The following RALGAPA2 variants were observed in gnomAD, a reference collection of about 807,000 sequenced individuals.
RALGAPA2 encodes the protein ral GTPase-activating protein subunit alpha-2.
A neutral mutation model predicts 230.4 loss-of-function variants in RALGAPA2; 139 were observed. The ratio of observed to expected loss-of-function variants is 0.60; its 90% CI spans 0.53 to 0.69. The LOEUF (loss-of-function observed/expected upper bound fraction) is 0.69. Among genes scored for constraint, RALGAPA2 ranks in the 30% least tolerant of loss-of-function variants. The pLI, the probability that RALGAPA2 is intolerant of heterozygous loss-of-function variation, is 0.00. For missense variants in RALGAPA2, 2,163 were observed against 2,276.0 expected (o/e 0.95, Z 1.01); for synonymous variants, 847 against 837.8 (o/e 1.01, Z -0.19).
chr20:20,468,752 C>G (rs1448172756), intron 37 of RALGAPA2, among the ~76,000 whole-genome samples: 2 of 151,990 alleles, frequency 1.3e-5, no homozygotes, highest in Non-Finnish European at 2.9e-5. Context: ...CTCATACCAC[C>G]AAGAGACCAC....
intron 37 of RALGAPA2, among the ~76,000 whole-genome samples, chr20:20,439,455 C>A (rs2060687452): frequency 6.6e-6 from 1 of 152,176 alleles, no homozygotes; most frequent in Non-Finnish European, 1.5e-5. Flanking sequence ...TTAAGCGATC[C>A]ACTGGCCTCA....
rs532096672 is a variant in RALGAPA2, at chr20:20,536,017, T to C, written c.3415-214A>G. Among the ~76,000 whole-genome samples the C allele has an allele frequency of 1.2e-4, 18 of 152,304 alleles. No individual in the cohort carries two copies. The South Asian group carries it at 3.1e-3, about 26-fold the overall frequency. On this transcript the variant is annotated intron_variant, in intron 25 of 39. Transcript: ENST00000202677. ...GTCTCCACAGGGCCTCCTTAGGCCATTCAGCCCGCGGGAGTAGAGCGCTTC... is the reference window on the plus strand; with the variant it reads ...GTCTCCACAGGGCCTCCTTAGGCCACTCAGCCCGCGGGAGTAGAGCGCTTC...
Position 20,524,388 on chromosome 20 carries a change from GC to G in RALGAPA2, c.3900+17del. On this transcript the variant is annotated intron_variant, in intron 30 of 39. Transcript: ENST00000202677. ...ATAAACCCACACTCCATTCCCCCAG[GC>G]CCAGGTGTAGACTCACCCTGTAGAT... The G allele has an allele frequency of 6.2e-7, 1 of 1,613,414 alleles. No homozygotes were observed. Among genetic ancestry groups the G allele is most frequent in the Non-Finnish European group, 8.5e-7 (1 of 1,179,604 alleles).
chr20:20,637,148 C>T (rs532168308), intron 8 of RALGAPA2, among the ~76,000 whole-genome samples: 43 of 152,292 alleles, frequency 2.8e-4, no homozygotes, highest in African/African-American at 9.1e-4. Flanking sequence ...ATAGGAGCCA[C>T]GGTTCCCTTT....
At chr20:20,677,066 A>G (rs1048162246) in intron 2 of RALGAPA2, among the ~76,000 whole-genome samples, 3 of 152,184 alleles carry the variant, frequency 2.0e-5, no homozygotes, top group Non-Finnish European at 4.4e-5. Flanking sequence ...TCATTCATTC[A>G]TTGAATAAAT....
At chr20:20,599,061 G>A (rs1355953114) in intron 16 of RALGAPA2, among the ~76,000 whole-genome samples, 1 of 152,154 alleles carries the variant, frequency 6.6e-6, no homozygotes, top group African/African-American at 2.4e-5. Flanking sequence ...ATTTTGAAAT[G>A]CTTTATATGT....
At chr20:20,633,111 C>T (rs375700733) in intron 9 of RALGAPA2, among the ~76,000 whole-genome samples, 24 of 147,086 alleles carry the variant, frequency 1.6e-4, no homozygotes, top group African/African-American at 6.0e-4. Flanking sequence ...CCTTCTCTTT[C>T]TTTCTCTCTC....
intron 32 of RALGAPA2, 90 bp downstream of exon 32, chr20:20,512,423 C>T: frequency 7.7e-7 from 1 of 1,302,956 alleles, no homozygotes. Flanking sequence ...CTTCCCCAAT[C>T]TTTTCTTCTT....
At chr20:20,441,101 AC>A (rs1360106202) in intron 37 of RALGAPA2, among the ~76,000 whole-genome samples, 2 of 152,202 alleles carry the variant, frequency 1.3e-5, no homozygotes, top group African/African-American at 4.8e-5. Context: ...ATGCACCAAC[AC>A]TTGCAAATAA....
chr20:20,653,664 G>A, intron 3 of RALGAPA2, 77 bp from the exon 4 acceptor site: 1 of 819,702 alleles, frequency 1.2e-6, no homozygotes, highest in Non-Finnish European at 2.0e-6. Flanking sequence ...ATTACTCACT[G>A]TAGGTAAGTT....
intron 4 of RALGAPA2, among the ~76,000 whole-genome samples, chr20:20,653,200 A>C (rs1173242827): frequency 7.3e-6 from 1 of 137,930 alleles, no homozygotes; most frequent in Admixed American, 6.9e-5. Context: ...CATCTCAAAA[A>C]AAAAAAAAAA....
At chr20:20,636,889 C>G (rs2066879158) in intron 8 of RALGAPA2, among the ~76,000 whole-genome samples, 1 of 152,100 alleles carries the variant, frequency 6.6e-6, no homozygotes, top group Non-Finnish European at 1.5e-5. Context: ...GTCCAATCAC[C>G]TAAAATTTGG....
chr20:20,567,777 G>A (rs947478464), intron 23 of RALGAPA2, among the ~76,000 whole-genome samples: 13 of 151,200 alleles, frequency 8.6e-5, no homozygotes, highest in African/African-American at 2.9e-4. Flanking sequence ...AGGACTGCTT[G>A]AGCCCAGTGA....
chr20:20,602,760 C>A (rs1214182452), intron 15 of RALGAPA2, among the ~76,000 whole-genome samples: 2 of 152,064 alleles, frequency 1.3e-5, no homozygotes, highest in East Asian at 3.8e-4. Context: ...TAAGATAAGT[C>A]TGTCTCTTTA....
chr20:20,545,353 C>T (rs1602729476), intron 24 of RALGAPA2, among the ~76,000 whole-genome samples: 2 of 152,226 alleles, frequency 1.3e-5, no homozygotes, highest in Non-Finnish European at 2.9e-5. Flanking sequence ...ATACATACGC[C>T]ACCATGCCTG....
At position 20,531,740 on chromosome 20, in the gene RALGAPA2, T is replaced by C; in HGVS notation, c.3529A>G (p.Thr1177Ala). The change falls in exon 27 of 40, where the codon ACA (threonine) becomes GCA (alanine). Residue 1177 changes from threonine to alanine, a missense_variant. Transcript: ENST00000202677. ...GCCTCTTTCACCTGAGGGTGGCTTG[T>C]ACACTGTGCAAGCTCTTCACATATC... Reference protein sequence around the residue: ...VWICEELAQCTSHPQVKEAIN... With the variant: ...VWICEELAQCASHPQVKEAIN... The C allele has an allele frequency of 1.2e-6, 2 of 1,609,264 alleles. No individual in the cohort carries two copies. Among genetic ancestry groups the C allele is most frequent in the Non-Finnish European group, 1.7e-6 (2 of 1,177,672 alleles).
chr20:20,393,825 G>A (rs1035800545), intron 39 of RALGAPA2, among the ~76,000 whole-genome samples: 2 of 152,128 alleles, frequency 1.3e-5, no homozygotes, highest in African/African-American at 4.8e-5. Context: ...ATTAAAACCT[G>A]CACATCTGCA....
At chr20:20,463,129 CT>C (rs11479561) in intron 37 of RALGAPA2, among the ~76,000 whole-genome samples, 2,758 of 138,044 alleles carry the variant, frequency 0.02, 117 homozygotes, top group East Asian at 0.19. Context: ...AAAACCCTGA[CT>C]TTTTTTTTTT....
At chr20:20,460,954 G>A (rs142153148) in intron 37 of RALGAPA2, among the ~76,000 whole-genome samples, 1,788 of 152,258 alleles carry the variant, frequency 0.012, 37 homozygotes, top group African/African-American at 0.041. Context: ...AAAGGAAAGC[G>A]CATCTCATCC....
Sources: allele counts gnomAD v4.1 joint callset (sites outside exome capture counted in the v4.1 genomes callset), GRCh38; gene constraint gnomAD v4.1.1; transcripts MANE v1.5; gene names NCBI Gene and HGNC (gene_info 2026-07-23, HGNC 2026-07-21).